The following PCDHA3 variants were observed in gnomAD, a reference collection of about 807,000 sequenced individuals.
PCDHA3 encodes the protein protocadherin alpha-3.
PCDHA3 carries 41 observed loss-of-function variants against 62.2 expected under a neutral mutation model. The observed-to-expected ratio is 0.66, with a 90% CI of 0.51 to 0.86. PCDHA3 has a LOEUF of 0.86. Among genes scored for constraint, PCDHA3 ranks in the 40% least tolerant of loss-of-function variants. The probability of loss-of-function intolerance (pLI) is 0.00; values close to 1 mark genes in which losing one functional copy is unlikely to be tolerated. For synonymous variants in PCDHA3, 640 were observed against 555.4 expected (o/e 1.15, Z -2.14); for missense variants, 1,304 against 1,241.2 (o/e 1.05, Z -0.76).
intron 1 of PCDHA3, chr5:140,852,574 G>T (rs1056497020): frequency 3.8e-6 from 3 of 793,008 alleles, no homozygotes; most frequent in Non-Finnish European, 4.7e-6. Context: ...CTGTGCCAAG[G>T]CTTTTTTATT....
At chr5:141,007,095 G>A (rs1405401392) in intron 3 of PCDHA3, among the ~76,000 whole-genome samples, 2 of 152,208 alleles carry the variant, frequency 1.3e-5, no homozygotes, top group East Asian at 1.9e-4. Context: ...AGAGAGTCTA[G>A]GGCCAAACCC....
chr5:140,842,160 C>T (rs1777743066), intron 1 of PCDHA3: 3 of 1,613,732 alleles, frequency 1.9e-6, no homozygotes, highest in Non-Finnish European at 2.5e-6. Flanking sequence ...ATTTCATATT[C>T]TTTTAATAGC....
intron 1 of PCDHA3, chr5:140,853,901 CCTGA>C: frequency 1.0e-6 from 1 of 961,464 alleles, no homozygotes; most frequent in African/African-American, 1.8e-5. Flanking sequence ...GATGTGGTGG[CCTGA>C]CACCTGCAAT....
At chr5:140,856,866 A>G in intron 1 of PCDHA3, 1 of 1,595,900 alleles carries the variant, frequency 6.3e-7, no homozygotes, top group Non-Finnish European at 8.6e-7. Flanking sequence ...GAAGGAATAA[A>G]CAAGGAAATG....
chr5:141,000,593 A>G (rs1021263998), intron 3 of PCDHA3, among the ~76,000 whole-genome samples: 3 of 150,498 alleles, frequency 2.0e-5, no homozygotes, highest in African/African-American at 4.9e-5. Flanking sequence ...ATGCCCAGCT[A>G]ATTTTTGTAT....
chr5:140,999,600 TG>T (rs1213821435), intron 3 of PCDHA3, among the ~76,000 whole-genome samples: 3 of 152,150 alleles, frequency 2.0e-5, no homozygotes. Context: ...CCCTACATCC[TG>T]GGGGACCTTA....
chr5:140,819,748 G>T (rs1211997306), intron 1 of PCDHA3, among the ~76,000 whole-genome samples: 2 of 151,986 alleles, frequency 1.3e-5, no homozygotes, highest in African/African-American at 4.8e-5. Context: ...CAAAAGTCAA[G>T]AGTCTTGTTT....
intron 3 of PCDHA3, among the ~76,000 whole-genome samples, chr5:140,996,546 T>C (rs1179221123): frequency 6.6e-6 from 1 of 152,224 alleles, no homozygotes; most frequent in Admixed American, 6.5e-5. Flanking sequence ...GATATTATGC[T>C]GTCACTATCT....
At chr5:140,919,643 C>CTA (rs1244015726) in intron 1 of PCDHA3, among the ~76,000 whole-genome samples, 7 of 152,192 alleles carry the variant, frequency 4.6e-5, no homozygotes, top group Non-Finnish European at 8.8e-5. Flanking sequence ...AGTAGTTTCT[C>CTA]TAGAGTTTAC....
At chr5:140,897,467 C>T (rs1427386129) in intron 1 of PCDHA3, among the ~76,000 whole-genome samples, 11 of 151,912 alleles carry the variant, frequency 7.2e-5, no homozygotes, top group Non-Finnish European at 7.4e-5. Flanking sequence ...CGATAGTTTA[C>T]TGAGAATGAT....
intron 1 of PCDHA3, chr5:140,805,471 A>C: frequency 1.0e-6 from 1 of 1,004,036 alleles, no homozygotes; most frequent in African/African-American, 1.7e-5. Context: ...GTAGTTCTTC[A>C]ATAGAGAGGG....
chr5:140,830,219 C>G (rs2150182909), intron 1 of PCDHA3: 3 of 1,613,894 alleles, frequency 1.9e-6, no homozygotes, highest in Admixed American at 3.3e-5. Context: ...GGTATCCAGC[C>G]TGCTGGTCCT....
At chr5:140,918,111 C>A (rs1035723043) in intron 1 of PCDHA3, among the ~76,000 whole-genome samples, 1 of 152,016 alleles carries the variant, frequency 6.6e-6, no homozygotes, top group Admixed American at 6.6e-5. Flanking sequence ...CTTTCACATC[C>A]TTGATTAGCC....
chr5:140,869,191 C>CA (rs1554162609), intron 1 of PCDHA3: 1 of 1,613,878 alleles, frequency 6.2e-7, no homozygotes, highest in East Asian at 2.2e-5. Flanking sequence ...GGGGAGCGGC[C>CA]AGCTCCACTA....
intron 1 of PCDHA3, chr5:140,860,456 A>T (rs2046407427): frequency 6.6e-6 from 1 of 152,196 alleles, no homozygotes; most frequent in Non-Finnish European, 1.5e-5. Context: ...AATTCACGTG[A>T]TAATACAGTT....
At chr5:140,962,358 T>C (rs1167082870) in intron 1 of PCDHA3, among the ~76,000 whole-genome samples, 4 of 152,230 alleles carry the variant, frequency 2.6e-5, no homozygotes, top group Non-Finnish European at 5.9e-5. Context: ...CCCCCAATAC[T>C]GGCTAGTTTG....
At chr5:140,926,549 C>A in intron 1 of PCDHA3, 1 of 231,836 alleles carries the variant, frequency 4.3e-6, no homozygotes, top group Non-Finnish European at 8.2e-6. Flanking sequence ...GTGGTCGAGA[C>A]CCCAGCCCGC....
chr5:140,947,784 T>C (rs2094176527), intron 1 of PCDHA3, among the ~76,000 whole-genome samples: 1 of 151,672 alleles, frequency 6.6e-6, no homozygotes, highest in Non-Finnish European at 1.5e-5. Context: ...AAATGGATTT[T>C]AAACAGACTT....
At chr5:140,884,559 C>T (rs782174598) in intron 1 of PCDHA3, 2 of 1,614,094 alleles carry the variant, frequency 1.2e-6, no homozygotes, top group Admixed American at 1.7e-5. Context: ...GGGGAGGGCC[C>T]GCATAAGACG....
Sources: gnomAD v4.1 joint callset for allele counts (sites outside exome capture counted in the v4.1 genomes callset) on GRCh38, gnomAD v4.1.1 for gene constraint, MANE v1.5 for transcripts, NCBI Gene and HGNC (gene_info 2026-07-23, HGNC 2026-07-21) for gene names.